Variants in CHST8 observed in about 807,000 individuals in gnomAD.
CHST8 encodes the protein carbohydrate sulfotransferase 8.
A neutral mutation model predicts 15.0 loss-of-function variants in CHST8; 10 were observed. The ratio of observed to expected loss-of-function variants is 0.67; its 90% CI spans 0.41 to 1.13. The LOEUF (loss-of-function observed/expected upper bound fraction) is 1.13. CHST8 is among the 50% of genes most tolerant of loss of function. The pLI is 0.00. For missense variants in CHST8, 634 were observed against 608.2 expected (o/e 1.04, Z -0.45); for synonymous variants, 259 against 256.6 (o/e 1.01, Z -0.09).
chr19:33,706,007 C>G (rs1973438251), intron 3 of CHST8, among the ~76,000 whole-genome samples: 1 of 152,188 alleles, frequency 6.6e-6, no homozygotes, highest in Admixed American at 6.5e-5. Context: ...CTGTACCCGT[C>G]TCTATTTTAT....
intron 1 of CHST8, among the ~76,000 whole-genome samples, chr19:33,637,524 T>G (rs773372269): frequency 7.3e-5 from 11 of 151,224 alleles, no homozygotes; most frequent in Non-Finnish European, 1.3e-4. Context: ...TGCCTCAGCC[T>G]TCCCAGCAGC....
At chr19:33,682,943 T>C (rs1375364403) in intron 2 of CHST8, among the ~76,000 whole-genome samples, 1 of 152,206 alleles carries the variant, frequency 6.6e-6, no homozygotes, top group Non-Finnish European at 1.5e-5. Context: ...TCTGCTCGGC[T>C]TCTGGGGAGG....
At chr19:33,768,281 A>C (rs1240940624) in intron 3 of CHST8, among the ~76,000 whole-genome samples, 2 of 151,970 alleles carry the variant, frequency 1.3e-5, no homozygotes, top group African/African-American at 4.8e-5. Context: ...CTTTATTCGA[A>C]AGTGAACTTG....
intron 1 of CHST8, among the ~76,000 whole-genome samples, chr19:33,649,552 A>G (rs1264740667): frequency 1.3e-5 from 2 of 152,230 alleles, no homozygotes; most frequent in Admixed American, 1.3e-4. Context: ...TACAGGAAGA[A>G]CTATGAACAT....
intron 3 of CHST8, among the ~76,000 whole-genome samples, chr19:33,761,166 A>G (rs1035763312): frequency 1.3e-5 from 2 of 152,218 alleles, no homozygotes; most frequent in African/African-American, 4.8e-5. Context: ...TTGCAGCAGC[A>G]ACCACTAGCT....
chr19:33,638,590 G>C (rs888658064), intron 1 of CHST8, among the ~76,000 whole-genome samples: 2 of 152,128 alleles, frequency 1.3e-5, no homozygotes, highest in African/African-American at 4.8e-5. Context: ...GCAATCTATC[G>C]CTGAGTTGTC....
At chr19:33,736,618 T>C (rs1599602297) in intron 3 of CHST8, among the ~76,000 whole-genome samples, 1 of 151,944 alleles carries the variant, frequency 6.6e-6, no homozygotes, top group Admixed American at 6.6e-5. Flanking sequence ...TCTGGGGACA[T>C]GGGGCAATAA....
intron 3 of CHST8, among the ~76,000 whole-genome samples, chr19:33,770,830 G>A (rs1974965623): frequency 6.6e-6 from 1 of 152,222 alleles, no homozygotes; most frequent in Non-Finnish European, 1.5e-5. Context: ...CAGCTGAGAA[G>A]GCCAAGATCA....
intron 1 of CHST8, among the ~76,000 whole-genome samples, chr19:33,636,102 A>AC (rs1344078246): frequency 4.0e-5 from 6 of 151,810 alleles, no homozygotes; most frequent in South Asian, 2.1e-4. Flanking sequence ...TAAAAAAAAA[A>AC]AAAAAACCTC....
At chr19:33,666,724 A>C (rs990466425) in intron 1 of CHST8, among the ~76,000 whole-genome samples, 1 of 152,068 alleles carries the variant, frequency 6.6e-6, no homozygotes, top group Non-Finnish European at 1.5e-5. Context: ...CTTTTTTGAG[A>C]TGGAGTCTTG....
At chr19:33,755,989 G>A (rs1016891721) in intron 3 of CHST8, among the ~76,000 whole-genome samples, 1 of 152,144 alleles carries the variant, frequency 6.6e-6, no homozygotes, top group East Asian at 1.9e-4. Context: ...CTGTCTTCCA[G>A]GAGCCCAGTA....
intron 3 of CHST8, among the ~76,000 whole-genome samples, chr19:33,765,519 G>GTA (rs1467377287): frequency 3.1e-4 from 35 of 114,598 alleles, no homozygotes; most frequent in Admixed American, 1.4e-3. Context: ...GTCTTTGTGT[G>GTA]TGTGTGTGTG....
chr19:33,626,605 G>T (rs1263636055), intron 1 of CHST8, among the ~76,000 whole-genome samples: 1 of 152,082 alleles, frequency 6.6e-6, no homozygotes, highest in Non-Finnish European at 1.5e-5. Flanking sequence ...CACAAGAGCT[G>T]GTTGTTAAAA....
At chr19:33,739,500 C>T (rs1974146777) in intron 3 of CHST8, among the ~76,000 whole-genome samples, 1 of 152,178 alleles carries the variant, frequency 6.6e-6, no homozygotes, top group Admixed American at 6.5e-5. Flanking sequence ...TTGTTTTAGC[C>T]TGTTGTGTGC....
At chr19:33,672,372 A>AT (rs1336515999) in intron 2 of CHST8, among the ~76,000 whole-genome samples, 3 of 151,956 alleles carry the variant, frequency 2.0e-5, no homozygotes, top group Non-Finnish European at 4.4e-5. Flanking sequence ...TGATTTTTGT[A>AT]TTTTTTGTAG....
At chr19:33,671,076 G>A (rs534307330) in intron 2 of CHST8, among the ~76,000 whole-genome samples, 2 of 152,062 alleles carry the variant, frequency 1.3e-5, no homozygotes, top group East Asian at 3.9e-4. Context: ...CACATATAAC[G>A]AGCAGCTAAG....
rs558358337 is a variant in CHST8 at position 33,738,542 on chromosome 19, T to A, written c.131-32871T>A. Among the ~76,000 whole-genome samples the A allele has an allele frequency of 2.4e-3, 365 of 152,346 alleles. 1 individual carries two copies. Among genetic ancestry groups the A allele is most frequent in the African/African-American group, 8.4e-3 (351 of 41,574 alleles). On this transcript the variant is annotated intron_variant, in intron 3 of 4. Coordinates refer to ENST00000650847, the MANE Select transcript of CHST8 (RefSeq NM_001127895.2). ...AGCCCTTACAGCTATTATTCTGCTG[T>A]AAATATTAGTTCTCTTTTGACATCT...
chr19:33,766,247 C>T (rs890088037), intron 3 of CHST8, among the ~76,000 whole-genome samples: 5 of 151,896 alleles, frequency 3.3e-5, no homozygotes, highest in Admixed American at 6.6e-5. Context: ...TCTTTCTCTC[C>T]GTCTCTTTCC....
At chr19:33,682,903 G>A (rs1972914120) in intron 2 of CHST8, among the ~76,000 whole-genome samples, 1 of 152,190 alleles carries the variant, frequency 6.6e-6, no homozygotes, top group Non-Finnish European at 1.5e-5. Flanking sequence ...TTGTGGTTCT[G>A]CAGGCTGTAC....
Sources: gnomAD v4.1 joint callset for allele counts (sites outside exome capture counted in the v4.1 genomes callset) on GRCh38, gnomAD v4.1.1 for gene constraint, MANE v1.5 for transcripts, NCBI Gene and HGNC (gene_info 2026-07-23, HGNC 2026-07-21) for gene names.